The following IL1RAPL2 variants were observed in gnomAD, a reference collection of about 807,000 sequenced individuals.
The protein encoded by IL1RAPL2 is interleukin 1 receptor accessory protein like 2.
A neutral mutation model predicts 44.1 loss-of-function variants in IL1RAPL2; 3 were observed. That is an observed-to-expected ratio of 0.07 (90% CI 0.03 to 0.18). IL1RAPL2 has a LOEUF of 0.18. IL1RAPL2 is among the 10% of genes least tolerant of loss of function. The pLI is 1.00. For synonymous variants in IL1RAPL2, 181 were observed against 178.8 expected (o/e 1.01, Z -0.10); for missense variants, 391 against 496.4 (o/e 0.79, Z 2.02).
chrX:104,943,022 C>T (rs1451642399), intron 2 of IL1RAPL2, among the ~76,000 whole-genome samples: 1 of 111,480 alleles, frequency 9.0e-6, no homozygotes, highest in Admixed American at 9.6e-5. Context: ...ATTGAACCAG[C>T]CTTGCATCCC....
intron 2 of IL1RAPL2, among the ~76,000 whole-genome samples, chrX:104,851,286 A>G (rs777856251): frequency 1.2e-4 from 14 of 112,164 alleles, no homozygotes; most frequent in Admixed American, 2.8e-4. Context: ...AGCCAGGTTT[A>G]TACATCAAAC....
At chrX:105,487,562 C>T (rs2036280003) in intron 6 of IL1RAPL2, among the ~76,000 whole-genome samples, 1 of 112,153 alleles carries the variant, frequency 8.9e-6, no homozygotes, top group Non-Finnish European at 1.9e-5. Flanking sequence ...AGATGTTAAA[C>T]AACCATATAA....
At chrX:104,908,525 C>G (rs1257253256) in intron 2 of IL1RAPL2, among the ~76,000 whole-genome samples, 2 of 110,787 alleles carry the variant, frequency 1.8e-5, no homozygotes, top group African/African-American at 6.6e-5. Context: ...TCAGCATTTG[C>G]TCGTCTGTAA....
chrX:105,752,326 G>A (rs985370431), intron 9 of IL1RAPL2, among the ~76,000 whole-genome samples: 1 of 112,566 alleles, frequency 8.9e-6, no homozygotes, highest in Non-Finnish European at 1.9e-5. Flanking sequence ...GAACAACTGA[G>A]TTATAAACAC....
intron 7 of IL1RAPL2, among the ~76,000 whole-genome samples, chrX:105,723,480 A>T (rs1183681780): frequency 9.0e-6 from 1 of 111,282 alleles, no homozygotes; most frequent in African/African-American, 3.3e-5. Flanking sequence ...CCTCCAAATT[A>T]TTCCAGCCTC....
chrX:105,178,742 T>C (rs1384426103), intron 2 of IL1RAPL2, among the ~76,000 whole-genome samples: 1 of 111,749 alleles, frequency 8.9e-6, no homozygotes, highest in African/African-American at 3.2e-5. Flanking sequence ...TCCCTGATGA[T>C]TAGTGATATT....
intron 2 of IL1RAPL2, among the ~76,000 whole-genome samples, chrX:104,702,802 C>T (rs773350783): frequency 9.0e-6 from 1 of 111,024 alleles, no homozygotes; most frequent in South Asian, 3.8e-4. Context: ...GATTTATCAT[C>T]AGAAATTGAT....
chrX:105,018,199 G>T, intron 2 of IL1RAPL2, among the ~76,000 whole-genome samples: 1 of 111,556 alleles, frequency 9.0e-6, no homozygotes, highest in Non-Finnish European at 1.9e-5. Context: ...TTTTAAATGT[G>T]CCAGCTACCC....
At chrX:105,563,242 G>A (rs2036952047) in intron 6 of IL1RAPL2, among the ~76,000 whole-genome samples, 1 of 111,607 alleles carries the variant, frequency 9.0e-6, no homozygotes, top group Non-Finnish European at 1.9e-5. Flanking sequence ...TGGGGAAATT[G>A]GGCACAAGAG....
At chrX:104,818,697 G>C (rs988413408) in intron 2 of IL1RAPL2, among the ~76,000 whole-genome samples, 6 of 111,470 alleles carry the variant, frequency 5.4e-5, no homozygotes, top group African/African-American at 6.5e-5. Flanking sequence ...TGAGAAGCTT[G>C]GTTATGAAGA....
intron 2 of IL1RAPL2, among the ~76,000 whole-genome samples, chrX:104,806,648 T>G (rs1217021739): frequency 8.9e-6 from 1 of 112,960 alleles, no homozygotes; most frequent in Non-Finnish European, 1.9e-5. Context: ...GTACAACACT[T>G]GCCATGGGGC....
At chrX:105,059,140 ACT>A (rs749211292) in intron 2 of IL1RAPL2, among the ~76,000 whole-genome samples, 112 of 112,060 alleles carry the variant, frequency 1.0e-3, no homozygotes, top group Admixed American at 1.7e-3. Context: ...ATCCAATTAT[ACT>A]CTTTCAGTTA....
intron 5 of IL1RAPL2, among the ~76,000 whole-genome samples, chrX:105,394,159 A>G (rs1480189380): frequency 8.9e-6 from 1 of 112,398 alleles, no homozygotes; most frequent in Non-Finnish European, 1.9e-5. Flanking sequence ...GCAATGCAGC[A>G]TATCTATAAG....
intron 2 of IL1RAPL2, among the ~76,000 whole-genome samples, chrX:104,761,836 CCTT>C (rs1167563577): frequency 1.5e-5 from 1 of 65,018 alleles, no homozygotes; most frequent in Non-Finnish European, 2.8e-5. Flanking sequence ...TCCTTCTTCT[CCTT>C]CTCCTTCTTC....
At chrX:105,182,397 T>A (rs1279557847) in intron 2 of IL1RAPL2, among the ~76,000 whole-genome samples, 1 of 112,091 alleles carries the variant, frequency 8.9e-6, no homozygotes, top group Admixed American at 9.4e-5. Flanking sequence ...ACCTTCTTTA[T>A]CTCTTTTTAT....
chrX:104,585,335 ATTATATATT>A (rs1928520655), intron 1 of IL1RAPL2, among the ~76,000 whole-genome samples: 1 of 17,272 alleles, frequency 5.8e-5, no homozygotes, highest in African/African-American at 6.1e-4. Flanking sequence ...TATAATATAT[ATTATATATT>A]ATATATATTA....
At chrX:104,838,480 T>C (rs958557117) in intron 2 of IL1RAPL2, among the ~76,000 whole-genome samples, 2 of 111,511 alleles carry the variant, frequency 1.8e-5, no homozygotes, top group African/African-American at 6.5e-5. Flanking sequence ...ATTCTCTTTG[T>C]AACAATTGTG....
At chrX:105,586,279 C>CA (rs774285847) in intron 6 of IL1RAPL2, among the ~76,000 whole-genome samples, 1 of 111,486 alleles carries the variant, frequency 9.0e-6, no homozygotes, top group Non-Finnish European at 1.9e-5. Context: ...TAGAGAAATG[C>CA]AAATATAAAC....
chrX:105,236,585 G>T (rs1478245609), intron 4 of IL1RAPL2, among the ~76,000 whole-genome samples: 1 of 111,350 alleles, frequency 9.0e-6, no homozygotes, highest in African/African-American at 3.3e-5. Flanking sequence ...TTTGTGACTT[G>T]CAGTTTGGCT....
Sources: gnomAD v4.1 joint callset for allele counts (sites outside exome capture counted in the v4.1 genomes callset) on GRCh38, gnomAD v4.1.1 for gene constraint, MANE v1.5 for transcripts, NCBI Gene and HGNC (gene_info 2026-07-23, HGNC 2026-07-21) for gene names.